ENAH: variants seen among roughly 807,000 people sequenced by gnomAD.
ENAH encodes the protein protein enabled homolog.
A neutral mutation model predicts 78.7 loss-of-function variants in ENAH; 23 were observed. That is an observed-to-expected ratio of 0.29 (90% confidence interval 0.21 to 0.41). ENAH has a LOEUF of 0.41. Ranked by LOEUF, ENAH falls within the 10% of genes least tolerant of loss-of-function variation. The pLI, the probability that ENAH is intolerant of heterozygous loss-of-function variation, is 1.00. For synonymous variants in ENAH, 226 were observed against 241.0 expected (o/e 0.94, Z 0.58); for missense variants, 544 against 691.0 (o/e 0.79, Z 2.39).
At chr1:225,541,664 C>G (rs1262626650) in intron 3 of ENAH, among the ~76,000 whole-genome samples, 1 of 152,146 alleles carries the variant, frequency 6.6e-6, no homozygotes, top group South Asian at 2.1e-4. Flanking sequence ...ATGCCTACTG[C>G]TTTTTCCATT....
At chr1:225,545,748 G>T (rs909328846) in intron 3 of ENAH, among the ~76,000 whole-genome samples, 1 of 152,080 alleles carries the variant, frequency 6.6e-6, no homozygotes, top group African/African-American at 2.4e-5. Flanking sequence ...ACCCTCAAGA[G>T]TTGCCATGGA....
At chr1:225,522,345 A>T (rs897512653) in intron 4 of ENAH, among the ~76,000 whole-genome samples, 1 of 152,180 alleles carries the variant, frequency 6.6e-6, no homozygotes, top group African/African-American at 2.4e-5. Flanking sequence ...CATAAAACAC[A>T]CACCCTCTCC....
In ENAH at chr1:225,517,300, G is replaced by A. The variant is rs1182218257; in HGVS notation, c.809C>T (p.Pro270Leu). The A allele has an allele frequency of 6.4e-7, 1 of 1,551,790 alleles. No homozygotes were observed. Among genetic ancestry groups the A allele is most frequent in the South Asian group, 1.2e-5 (1 of 84,066 alleles). The change falls in exon 6 of 14, where the codon CCT becomes CTT. Residue 270 changes from proline to leucine, a missense_variant. By Grantham distance (98) the Pro-to-Leu change is moderately conservative. Transcript: ENST00000366843. ...RERRISSAAA[P>L]ASVETPLNSV... ...GTTTAGAGGAGTCTCAACAGAGGCA[G>A]GGGCAGCTGCAGAGGGAGAAGGGAG...
chr1:225,640,550 A>G (rs989521069), intron 1 of ENAH, among the ~76,000 whole-genome samples: 5 of 152,174 alleles, frequency 3.3e-5, no homozygotes, highest in Non-Finnish European at 7.3e-5. Context: ...ACCATTACAA[A>G]CAGTTATGTA....
At chr1:225,649,456 G>A (rs1662566695) in intron 1 of ENAH, among the ~76,000 whole-genome samples, 1 of 150,818 alleles carries the variant, frequency 6.6e-6, no homozygotes, top group African/African-American at 2.4e-5. Flanking sequence ...CACTTAAAAG[G>A]CACACACTGT....
intron 3 of ENAH, among the ~76,000 whole-genome samples, chr1:225,539,229 T>C (rs1039193935): frequency 6.6e-6 from 1 of 152,188 alleles, no homozygotes; most frequent in African/African-American, 2.4e-5. Flanking sequence ...CTCTCTCCAT[T>C]GCTACTGTTC....
rs6680682 is a variant in ENAH, at chr1:225,524,344, T to C, written c.435-4779A>G. 7.2e-4 allele frequency among the ~76,000 whole-genome samples: 110 copies of C among 152,322 alleles called. 1 individual carries two copies. The highest frequency in any genetic ancestry group is 2.5e-3 in the African/African-American group (103 of 41,568). On this transcript the variant is annotated intron_variant, in intron 4 of 13. Coordinates refer to ENST00000366843, the MANE Select transcript of ENAH (RefSeq NM_018212.6). ...CTTTACCTATAATGAATAGTGTTAC[T>C]AGGTAAATAAGAATGATTTCAATTT...
chr1:225,627,864 G>A (rs1658241006), intron 1 of ENAH, among the ~76,000 whole-genome samples: 1 of 152,088 alleles, frequency 6.6e-6, no homozygotes, highest in African/African-American at 2.4e-5. Flanking sequence ...AGCTCTCAAG[G>A]GAAATGTCAT....
chr1:225,557,596 G>A (rs141868192), intron 2 of ENAH, among the ~76,000 whole-genome samples: 6,544 of 152,284 alleles, frequency 0.043, 224 homozygotes, highest in South Asian at 0.11. Context: ...CAAGGCAGGT[G>A]GATCACTTGA....
At chr1:225,592,464 C>T (rs526201) in intron 1 of ENAH, among the ~76,000 whole-genome samples, 137,806 of 151,952 alleles carry the variant, frequency 0.91, 62,612 homozygotes, top group Middle Eastern at 0.95. Context: ...TATTCTAGGC[C>T]AAAGTGGTTA....
At chr1:225,520,931 AGGGAGGGAGGGAGGG>A (rs2096462585) in intron 4 of ENAH, among the ~76,000 whole-genome samples, 1 of 542 alleles carries the variant, frequency 1.8e-3, no homozygotes, top group East Asian at 0.12. Context: ...GAAGGGAGGG[AGGGAGGGAGGGAGGG>A]AGGGAGGGAG....
chr1:225,569,077 C>T (rs1200829070), intron 1 of ENAH, among the ~76,000 whole-genome samples: 1 of 152,162 alleles, frequency 6.6e-6, no homozygotes, highest in Non-Finnish European at 1.5e-5. Flanking sequence ...AAAATCTCTC[C>T]ATCATTCACA....
chr1:225,618,323 A>G (rs1656174337), intron 1 of ENAH, among the ~76,000 whole-genome samples: 1 of 152,148 alleles, frequency 6.6e-6, no homozygotes, highest in Non-Finnish European at 1.5e-5. Context: ...AAACCTAATA[A>G]AACAATATCC....
intron 1 of ENAH, among the ~76,000 whole-genome samples, chr1:225,647,795 A>C (rs1662238468): frequency 6.6e-6 from 1 of 152,216 alleles, no homozygotes; most frequent in Admixed American, 6.5e-5. Context: ...AAAGTCAAAC[A>C]CTTACACAGG....
In ENAH at chr1:225,609,812, C is replaced by T. The variant is rs145548286; in HGVS notation, c.6-42398G>A. Among the ~76,000 whole-genome samples the T allele has an allele frequency of 7.8e-4, 119 of 151,776 alleles. No individual in the cohort carries two copies. The East Asian group carries it at 0.017, about 21-fold the overall frequency. On this transcript the variant is annotated intron_variant, in intron 1 of 13. Transcript: ENST00000366843. ...CTGAGTATCTGGGAGCACAGGCATG[C>T]GCCACCATCCCCAGCTAATTTTTTA...
chr1:225,577,298 A>G (rs543313608), intron 1 of ENAH, among the ~76,000 whole-genome samples: 19 of 152,248 alleles, frequency 1.2e-4, no homozygotes, highest in Non-Finnish European at 2.5e-4. Flanking sequence ...AAAAAGAAAG[A>G]AAAAATCTTG....
intron 3 of ENAH, among the ~76,000 whole-genome samples, chr1:225,554,652 G>T (rs1337395271): frequency 6.6e-6 from 1 of 151,770 alleles, no homozygotes. Flanking sequence ...CAAATAAAAG[G>T]GTTACAGAAT....
chr1:225,573,930 G>A (rs999873481), intron 1 of ENAH, among the ~76,000 whole-genome samples: 7 of 152,142 alleles, frequency 4.6e-5, no homozygotes, highest in African/African-American at 7.2e-5. Flanking sequence ...AGCCTAGTCT[G>A]TAGTGAGTTA....
intron 2 of ENAH, among the ~76,000 whole-genome samples, chr1:225,559,441 A>G (rs780172968): frequency 6.6e-5 from 10 of 152,208 alleles, no homozygotes; most frequent in Non-Finnish European, 1.3e-4. Flanking sequence ...CCTTCTATAC[A>G]TTCTTACAGA....
Sources: gnomAD v4.1 joint callset for allele counts (sites outside exome capture counted in the v4.1 genomes callset) on GRCh38, gnomAD v4.1.1 for gene constraint, MANE v1.5 for transcripts, NCBI Gene and HGNC (gene_info 2026-07-23, HGNC 2026-07-21) for gene names.